GPR158: variants seen among roughly 807,000 people sequenced by gnomAD.
GPR158 encodes the protein G protein-coupled receptor 158.
In GPR158, 30 loss-of-function variants were observed where a neutral mutation model predicts 78.2. The observed-to-expected ratio is 0.38, with a 90% CI of 0.29 to 0.52. GPR158 has a LOEUF of 0.52. Ranked by LOEUF, GPR158 falls within the 20% of genes least tolerant of loss-of-function variation. The pLI, the probability that GPR158 is intolerant of heterozygous loss-of-function variation, is 0.83. For synonymous variants in GPR158, 581 were observed against 591.1 expected (o/e 0.98, Z 0.25); for missense variants, 1,463 against 1,523.5 (o/e 0.96, Z 0.66).
At chr10:25,389,139 G>T (rs1834260002) in intron 2 of GPR158, among the ~76,000 whole-genome samples, 1 of 152,198 alleles carries the variant, frequency 6.6e-6, no homozygotes, top group Non-Finnish European at 1.5e-5. Flanking sequence ...AGAGGGGAGG[G>T]TCCCCAGTGA....
chr10:25,294,212 T>C (rs1377843778), intron 2 of GPR158, among the ~76,000 whole-genome samples: 2 of 152,218 alleles, frequency 1.3e-5, no homozygotes, highest in Admixed American at 6.5e-5. Flanking sequence ...GAGGGACTGC[T>C]GACTAAGAGT....
chr10:25,263,025 T>A (rs1355284393), intron 2 of GPR158, among the ~76,000 whole-genome samples: 8 of 152,202 alleles, frequency 5.3e-5, no homozygotes, highest in Admixed American at 5.2e-4. Context: ...GATGTTGTCT[T>A]TTGGAGAGCA....
intron 6 of GPR158, among the ~76,000 whole-genome samples, chr10:25,562,634 G>A (rs1473711741): frequency 2.0e-5 from 3 of 152,162 alleles, no homozygotes. Context: ...GGTCAGAGAA[G>A]ATACTTTGTA....
chr10:25,477,144 C>A (rs1358560191), intron 5 of GPR158, among the ~76,000 whole-genome samples: 1 of 151,754 alleles, frequency 6.6e-6, no homozygotes, highest in Non-Finnish European at 1.5e-5. Context: ...GTAGAAAAAA[C>A]CCATCCAGAG....
intron 1 of GPR158, among the ~76,000 whole-genome samples, chr10:25,185,582 G>A (rs1852671833): frequency 6.6e-6 from 1 of 152,160 alleles, no homozygotes; most frequent in Non-Finnish European, 1.5e-5. Context: ...CCAGCACTTT[G>A]GGATGCCAAG....
intron 2 of GPR158, among the ~76,000 whole-genome samples, chr10:25,362,578 A>G (rs886784098): frequency 6.6e-6 from 1 of 151,918 alleles, no homozygotes; most frequent in African/African-American, 2.4e-5. Context: ...TCAATCCATG[A>G]ACATGGGATG....
At chr10:25,177,545 T>C (rs1180701290) in intron 1 of GPR158, among the ~76,000 whole-genome samples, 2 of 152,196 alleles carry the variant, frequency 1.3e-5, no homozygotes, top group Non-Finnish European at 2.9e-5. Context: ...CCAGATCAAG[T>C]ACTGGGTGGG....
intron 7 of GPR158, among the ~76,000 whole-genome samples, chr10:25,579,951 A>G (rs1016166058): frequency 3.3e-5 from 5 of 152,168 alleles, no homozygotes; most frequent in Non-Finnish European, 5.9e-5. Context: ...ATATGATCTA[A>G]TAACTATTCC....
Position 25,312,864 on chromosome 10 carries a change from C to A in GPR158, c.1009-83047C>A, listed in dbSNP as rs143588423. On this transcript the variant is annotated intron_variant, in intron 2 of 10. Transcript: ENST00000376351. ...TTATTAATCAAATTTGATGCCATTGCCTTGATTAATGCTAAGACGCCAGCA... is the reference window on the plus strand; with the variant it reads ...TTATTAATCAAATTTGATGCCATTGACTTGATTAATGCTAAGACGCCAGCA... 9.3e-4 allele frequency among the ~76,000 whole-genome samples: 142 copies of A among 152,066 alleles called. 3 individuals are homozygous for A. The East Asian group carries it at 0.025, about 26-fold the overall frequency.
chr10:25,563,783 G>C (rs1836889526), intron 6 of GPR158, among the ~76,000 whole-genome samples: 1 of 146,742 alleles, frequency 6.8e-6, no homozygotes, highest in Non-Finnish European at 1.5e-5. Flanking sequence ...CATTAACACA[G>C]ATTTATACTT....
At chr10:25,191,284 T>C (rs1852767667) in intron 1 of GPR158, among the ~76,000 whole-genome samples, 1 of 152,074 alleles carries the variant, frequency 6.6e-6, no homozygotes, top group South Asian at 2.1e-4. Context: ...ACCAAGGGAG[T>C]TGGTGACCAT....
At chr10:25,378,526 T>C (rs1345573332) in intron 2 of GPR158, among the ~76,000 whole-genome samples, 2 of 151,992 alleles carry the variant, frequency 1.3e-5, no homozygotes. Flanking sequence ...CCCACTATGC[T>C]CTTTTTTCCT....
chr10:25,539,536 T>G (rs1836546120), intron 5 of GPR158, among the ~76,000 whole-genome samples: 1 of 151,304 alleles, frequency 6.6e-6, no homozygotes, highest in Admixed American at 6.6e-5. Context: ...TTTTTTTTTT[T>G]GGACATTTTC....
chr10:25,252,212 C>A (rs1853813475), intron 2 of GPR158, among the ~76,000 whole-genome samples: 1 of 150,618 alleles, frequency 6.6e-6, no homozygotes, highest in Non-Finnish European at 1.5e-5. Context: ...GTTATACATT[C>A]TTCTAAATTT....
chr10:25,375,410 T>A (rs950071319), intron 2 of GPR158, among the ~76,000 whole-genome samples: 11 of 151,562 alleles, frequency 7.3e-5, no homozygotes, highest in Admixed American at 1.3e-4. Context: ...ATGAATTGTG[T>A]TTCTGATGTC....
chr10:25,355,333 G>A (rs1722699223), intron 2 of GPR158, among the ~76,000 whole-genome samples: 2 of 152,000 alleles, frequency 1.3e-5, no homozygotes, highest in South Asian at 2.1e-4. Context: ...TTTCAGTTCA[G>A]CAAATGTATT....
intron 2 of GPR158, among the ~76,000 whole-genome samples, chr10:25,296,886 T>C (rs892836841): frequency 6.6e-6 from 1 of 152,192 alleles, no homozygotes; most frequent in African/African-American, 2.4e-5. Context: ...TCGTTGAGTG[T>C]TGAAGGAATA....
At chr10:25,515,379 T>C (rs1205753549) in intron 5 of GPR158, among the ~76,000 whole-genome samples, 1 of 151,960 alleles carries the variant, frequency 6.6e-6, no homozygotes, top group African/African-American at 2.4e-5. Context: ...ATTTCTTTTT[T>C]TTTTTATACT....
chr10:25,371,458 C>G (rs1833991769), intron 2 of GPR158, among the ~76,000 whole-genome samples: 1 of 151,784 alleles, frequency 6.6e-6, no homozygotes, highest in South Asian at 2.1e-4. Context: ...TCAAACTATA[C>G]TATAAGGCTA....
Sources: allele counts gnomAD v4.1 joint callset (sites outside exome capture counted in the v4.1 genomes callset), GRCh38; gene constraint gnomAD v4.1.1; transcripts MANE v1.5; gene names NCBI Gene and HGNC (gene_info 2026-07-23, HGNC 2026-07-21).